Variants in XKR6 observed in about 807,000 individuals in gnomAD.
The protein encoded by XKR6 is XK-related protein 6.
In XKR6, 22 loss-of-function variants were observed where a neutral mutation model predicts 56.7. The observed-to-expected ratio is 0.39, with a 90% confidence interval of 0.28 to 0.55. The LOEUF is 0.55. Ranked by LOEUF, XKR6 falls within the 20% of genes least tolerant of loss-of-function variation. XKR6 has a pLI of 0.66. For missense variants in XKR6, 852 were observed against 889.0 expected, an observed-to-expected ratio of 0.96 and a Z score of 0.53; for synonymous variants, 524 against 387.8, an observed-to-expected ratio of 1.35 and a Z score of -4.13.
At chr8:10,947,397 G>A (rs867045894) in intron 1 of XKR6, among the ~76,000 whole-genome samples, 3 of 152,148 alleles carry the variant, frequency 2.0e-5, no homozygotes, top group South Asian at 2.1e-4. Context: ...GGCTGGAGAT[G>A]CAGACAGTGG....
chr8:10,902,337 A>T (rs1586283778), intron 2 of XKR6, among the ~76,000 whole-genome samples: 1 of 152,080 alleles, frequency 6.6e-6, no homozygotes, highest in South Asian at 2.1e-4. Context: ...CAAACCTTCT[A>T]TCTAGGGGAG....
At position 10,924,500 on chromosome 8, in the gene XKR6, C is replaced by T. The variant is rs190801580; in HGVS notation, c.961+134G>A. On this transcript the variant is annotated intron_variant, in intron 2 of 2. Transcript: ENST00000416569. ...GCCCCGTCAGCACTGCACTGGGGGC[C>T]GGGCGTCCTGGGGACTCAGGGCAGG... 7.0e-5 allele frequency: 74 copies of T among 1,060,870 alleles called. No individual in the cohort carries two copies. In the East Asian group the frequency reaches 1.4e-3, roughly 21 times the overall value. 65.7% of individuals were successfully genotyped at this position (1,060,870 alleles called of 1,614,324 possible). A position where few individuals can be genotyped will look rare whatever the true frequency, so the allele number is the denominator to read the frequency against.
In XKR6 at chr8:10,984,726, C is replaced by CTA. The variant is rs1403239181; in HGVS notation, c.765-59897_765-59896insTA. ...TCTCTCTCTCTCTCTCTCTCTCTCT[C>CTA]TCTCTCTATATATATATATATATAT... On this transcript the variant is annotated intron_variant, in intron 1 of 2. Transcript: ENST00000416569. Among the ~76,000 whole-genome samples the CTA allele has an allele frequency of 3.9e-3, 277 of 70,234 alleles. 1 individual carries two copies. Among genetic ancestry groups the CTA allele is most frequent in the African/African-American group, 7.1e-3 (106 of 15,026 alleles). The allele number at this position is 70,234 out of a possible 152,430, so 46.1% of individuals were successfully genotyped here.
intron 1 of XKR6, among the ~76,000 whole-genome samples, chr8:11,188,230 T>C (rs567709245): frequency 6.6e-6 from 1 of 152,110 alleles, no homozygotes; most frequent in Non-Finnish European, 1.5e-5. Flanking sequence ...CTGACACATA[T>C]CACATTTAAT....
rs1491345169 is a variant in XKR6, at chr8:11,086,157, T to TTTTTTTA, written c.764+114418_764+114419insTAAAAAA. 3.2e-3 allele frequency among the ~76,000 whole-genome samples: 471 copies of TTTTTTTA among 148,014 alleles called. 3 individuals carry two copies. Among genetic ancestry groups the TTTTTTTA allele is most frequent in the African/African-American group, 0.011 (446 of 39,906 alleles). On this transcript the variant is annotated intron_variant, in intron 1 of 2. Transcript: ENST00000416569. ...AAATATATATATATATATTTTTTTT[T>TTTTTTTA]AAAAAAAACAAGCATAATTCATAAT...
intron 1 of XKR6, among the ~76,000 whole-genome samples, chr8:11,189,265 C>T (rs927852414): frequency 2.0e-5 from 3 of 152,186 alleles, no homozygotes; most frequent in Non-Finnish European, 2.9e-5. Context: ...ATGCCTCTAA[C>T]CTGGCACTTC....
rs1374328162 is a variant in XKR6 at position 11,200,866 on chromosome 8, G to C, written c.474C>G (p.Asp158Glu). 6.2e-7 allele frequency: 1 copy of C among 1,611,896 alleles called. No individual in the cohort carries two copies. Among genetic ancestry groups the C allele is most frequent in the Non-Finnish European group, 8.5e-7 (1 of 1,179,500 alleles). ...WLALDYYRKG[D>E]YVYFGLTLFF... is the part of the protein sequence containing the mutation. ...AGAGGGTCAGCCCGAAGTAGACGTAGTCCCCCTTGCGGTAGTAGTCGAGGG... is the reference window on the plus strand; with the variant it reads ...AGAGGGTCAGCCCGAAGTAGACGTACTCCCCCTTGCGGTAGTAGTCGAGGG... The change falls in exon 1 of 3, where the codon GAC becomes GAG. Residue 158 changes from aspartate to glutamate, a missense_variant. Around this residue, in one of 4 missense-constraint regions of XKR6, gnomAD observed 417 missense variants for 355.2 expected, o/e 1.17. Transcript: ENST00000416569. The surrounding 1 kb of genome is among the most constrained non-coding windows in gnomAD (Gnocchi z 6.4).
At chr8:11,029,038 C>G (rs574163102) in intron 1 of XKR6, among the ~76,000 whole-genome samples, 3 of 152,296 alleles carry the variant, frequency 2.0e-5, no homozygotes, top group African/African-American at 4.8e-5. Flanking sequence ...CACCCTGTGC[C>G]TGGTGCCTCA....
chr8:10,948,867 T>G (rs1801630672), intron 1 of XKR6, among the ~76,000 whole-genome samples: 1 of 152,224 alleles, frequency 6.6e-6, no homozygotes, highest in African/African-American at 2.4e-5. Context: ...AGATGGCATT[T>G]ACTGGAGCAG....
intron 1 of XKR6, among the ~76,000 whole-genome samples, chr8:11,049,595 G>C (rs868231957): frequency 6.6e-6 from 1 of 152,186 alleles, no homozygotes; most frequent in East Asian, 1.9e-4. Flanking sequence ...CAAGGCCCTG[G>C]AGCAGGCTTG....
chr8:11,030,551 G>T (rs1348473816), intron 1 of XKR6, among the ~76,000 whole-genome samples: 1 of 152,124 alleles, frequency 6.6e-6, no homozygotes, highest in Non-Finnish European at 1.5e-5. Context: ...GAGAAATCTA[G>T]CATGTGCCCG....
chr8:11,000,595 G>A (rs1331428196), intron 1 of XKR6, among the ~76,000 whole-genome samples: 3 of 152,184 alleles, frequency 2.0e-5, no homozygotes, highest in Admixed American at 2.0e-4. Context: ...TGAGGTGGGA[G>A]AATTGCTTCA....
chr8:11,195,239 A>G (rs1330746903), intron 1 of XKR6: 1 of 699,820 alleles, frequency 1.4e-6, no homozygotes, highest in African/African-American at 1.7e-5. Flanking sequence ...ATTATAAAAA[A>G]TAATCACCCT....
rs764949804 is a variant in XKR6 at position 10,955,816 on chromosome 8, T to C, written c.765-30986A>G. ...TCACTGTAACAGAGGTAGGATGAGA[T>C]CCAGGCCCACACTGGACACTTCCTT... On this transcript the variant is annotated intron_variant, in intron 1 of 2. Transcript: ENST00000416569. 6.6e-4 allele frequency among the ~76,000 whole-genome samples: 100 copies of C among 152,300 alleles called. 1 individual carries two copies. The highest frequency in any genetic ancestry group is 3.4e-3 in the Middle Eastern group (1 of 294).
chr8:11,201,714 C>T lies in XKR6; in HGVS notation c.-375G>A, dbSNP rs993565399. 5.9e-5 allele frequency among the ~76,000 whole-genome samples: 9 copies of T among 152,342 alleles called. No homozygotes were observed. Among genetic ancestry groups the T allele is most frequent in the African/African-American group, 2.2e-4 (9 of 41,576 alleles). ...GTTGACCCCTCGGCGTTTCAGAATC[C>T]GGCTGGCCCGAGTGAGGCGGTCCAA... On this transcript the variant is annotated 5_prime_UTR_variant, in exon 1 of 3. Transcript: ENST00000416569.
intron 1 of XKR6, among the ~76,000 whole-genome samples, chr8:11,161,769 T>C (rs1378644983): frequency 5.3e-5 from 8 of 152,090 alleles, no homozygotes; most frequent in Admixed American, 5.2e-4. Flanking sequence ...TATTTTAATA[T>C]TTAATATATT....
chr8:11,157,278 G>A (rs1244666416), intron 1 of XKR6, among the ~76,000 whole-genome samples: 1 of 152,098 alleles, frequency 6.6e-6, no homozygotes, highest in Non-Finnish European at 1.5e-5. Flanking sequence ...ACTGAAGGAA[G>A]ACACAAATGG....
chr8:11,015,545 G>T (rs888233266), intron 1 of XKR6, among the ~76,000 whole-genome samples: 14 of 152,126 alleles, frequency 9.2e-5, no homozygotes, highest in African/African-American at 3.4e-4. Flanking sequence ...GGGGACGCTG[G>T]CAGAGAAAGC....
intron 1 of XKR6, among the ~76,000 whole-genome samples, chr8:11,060,952 C>G (rs1586491719): frequency 6.6e-6 from 1 of 152,160 alleles, no homozygotes; most frequent in African/African-American, 2.4e-5. Flanking sequence ...GATAATGGCT[C>G]AACAAGGAGA....
Sources: gnomAD v4.1 joint callset for allele counts (sites outside exome capture counted in the v4.1 genomes callset) on GRCh38, gnomAD v4.1.1 for gene constraint, gnomAD v4.1.1 regional missense constraint, Gnocchi (gnomAD v3.1) non-coding constraint, MANE v1.5 for transcripts, NCBI Gene and HGNC (gene_info 2026-07-23, HGNC 2026-07-21) for gene names.